The following FGF12 variants were observed in gnomAD, a reference collection of about 807,000 sequenced individuals.
FGF12 encodes fibroblast growth factor 12.
FGF12 carries 14 observed loss-of-function variants against 23.6 expected under a neutral mutation model. The observed-to-expected ratio is 0.59, with a 90% CI of 0.39 to 0.93. The LOEUF (loss-of-function observed/expected upper bound fraction) is 0.93, where lower values mean the gene tolerates loss of function less well. Ranked by LOEUF, FGF12 falls within the 40% of genes least tolerant of loss-of-function variation. The probability of loss-of-function intolerance (pLI) is 0.00; values close to 1 mark genes in which losing one functional copy is unlikely to be tolerated. For synonymous variants in FGF12, 62 were observed against 77.3 expected (o/e 0.80, Z 1.04); for missense variants, 175 against 217.8 (o/e 0.80, Z 1.24).
chr3:192,335,518 T>C (rs1482447657), intron 3 of FGF12, 54 bp from the exon 4 acceptor site: 15 of 1,053,984 alleles, frequency 1.4e-5, no homozygotes, highest in Admixed American at 3.5e-5. Context: ...GAATAAATAA[T>C]CCTTCTTATA....
Position 192,183,389 on chromosome 3 carries a change from A to T in FGF12, c.229-12733T>A, listed in dbSNP as rs1034667720. On this transcript the variant is annotated intron_variant, in intron 4 of 5. Transcript: ENST00000445105. ...AACAGCCTAAAGAGTAATCTGCTAG[A>T]TAAACAGTTCTGATGGCACTGAAAA... is the stretch of plus-strand genomic sequence containing the variant. Among the ~76,000 whole-genome samples the T allele has an allele frequency of 7.9e-5, 12 of 152,308 alleles. No homozygotes were observed. The South Asian group carries it at 1.2e-3, about 16-fold the overall frequency.
intron 4 of FGF12, among the ~76,000 whole-genome samples, chr3:192,191,486 T>C (rs987068583): frequency 6.6e-6 from 1 of 152,130 alleles, no homozygotes; most frequent in Admixed American, 6.6e-5. Flanking sequence ...AGGGAGTATA[T>C]GGGATATCTT....
At chr3:192,194,709 C>A (rs1716973074) in intron 4 of FGF12, among the ~76,000 whole-genome samples, 1 of 152,080 alleles carries the variant, frequency 6.6e-6, no homozygotes, top group African/African-American at 2.4e-5. Context: ...AGTTTAAAAA[C>A]CAATACTATC....
chr3:192,253,897 ATTAACT>A (rs1712201379), intron 4 of FGF12, among the ~76,000 whole-genome samples: 1 of 152,102 alleles, frequency 6.6e-6, no homozygotes, highest in Non-Finnish European at 1.5e-5. Flanking sequence ...TTAAAAATTA[ATTAACT>A]TTAACTTGAC....
At chr3:192,605,670 T>A (rs1165062238) in intron 2 of FGF12, among the ~76,000 whole-genome samples, 1 of 152,054 alleles carries the variant, frequency 6.6e-6, no homozygotes, top group Non-Finnish European at 1.5e-5. Context: ...TAATCTCATT[T>A]TAAAAAGGCC....
intron 2 of FGF12, among the ~76,000 whole-genome samples, chr3:192,398,168 A>G (rs927511104): frequency 2.0e-5 from 3 of 152,208 alleles, no homozygotes; most frequent in African/African-American, 7.2e-5. Context: ...CTGACATTTT[A>G]GACAGATTTC....
intron 2 of FGF12, among the ~76,000 whole-genome samples, chr3:192,713,302 A>G (rs1386267821): frequency 6.6e-6 from 1 of 152,220 alleles, no homozygotes; most frequent in African/African-American, 2.4e-5. Context: ...CTGAGAAATT[A>G]AGAGGTAGTA....
chr3:192,636,754 A>C (rs1361758468), intron 2 of FGF12, among the ~76,000 whole-genome samples: 1 of 152,216 alleles, frequency 6.6e-6, no homozygotes, highest in African/African-American at 2.4e-5. Flanking sequence ...CTGATGACTC[A>C]GGCACTCAGG....
intron 2 of FGF12, among the ~76,000 whole-genome samples, chr3:192,376,483 C>T (rs1252987526): frequency 6.6e-6 from 1 of 152,054 alleles, no homozygotes; most frequent in Non-Finnish European, 1.5e-5. Flanking sequence ...CTGCCTCAGC[C>T]TCCCGAGTAG....
intron 2 of FGF12, among the ~76,000 whole-genome samples, chr3:192,385,878 C>T (rs1246548906): frequency 6.6e-6 from 1 of 152,150 alleles, no homozygotes; most frequent in African/African-American, 2.4e-5. Flanking sequence ...AAACATGCCC[C>T]CTTATTCCCG....
intron 2 of FGF12, among the ~76,000 whole-genome samples, chr3:192,601,101 G>A (rs962318681): frequency 2.6e-5 from 4 of 151,990 alleles, no homozygotes; most frequent in African/African-American, 9.7e-5. Flanking sequence ...AATACACAAC[G>A]AAATACCATT....
chr3:192,699,993 C>T (rs535985066), intron 2 of FGF12, among the ~76,000 whole-genome samples: 15 of 152,254 alleles, frequency 9.9e-5, no homozygotes, highest in African/African-American at 3.6e-4. Flanking sequence ...TGAGATGCTC[C>T]CATCACCTCT....
At chr3:192,295,461 C>T (rs757370934) in intron 4 of FGF12, among the ~76,000 whole-genome samples, 15 of 152,032 alleles carry the variant, frequency 9.9e-5, no homozygotes, top group Non-Finnish European at 1.8e-4. Context: ...GATAACTGTT[C>T]GACATATATA....
At chr3:192,591,303 T>G (rs938146003) in intron 2 of FGF12, among the ~76,000 whole-genome samples, 8 of 151,398 alleles carry the variant, frequency 5.3e-5, no homozygotes, top group Non-Finnish European at 7.4e-5. Flanking sequence ...TTACATACAT[T>G]TTTTAAAAAT....
chr3:192,308,825 T>C (rs1715790734), intron 4 of FGF12, among the ~76,000 whole-genome samples: 1 of 152,184 alleles, frequency 6.6e-6, no homozygotes, highest in African/African-American at 2.4e-5. Context: ...TAAGTTATTT[T>C]AAGGAATTAA....
chr3:192,185,968 T>C (rs991078840), intron 4 of FGF12, among the ~76,000 whole-genome samples: 1 of 151,992 alleles, frequency 6.6e-6, no homozygotes, highest in Admixed American at 6.6e-5. Context: ...AGAAAAAACA[T>C]TAAAAAAATA....
Position 192,718,161 on chromosome 3 carries a change from C to CTTTTTTTTTTTT in FGF12, c.13+9008_13+9019dup, listed in dbSNP as rs71177369. 1.1e-3 allele frequency among the ~76,000 whole-genome samples: 87 copies of CTTTTTTTTTTTT among 77,960 alleles called. 2 individuals are homozygous for CTTTTTTTTTTTT. The highest frequency in any genetic ancestry group is 3.8e-3 in the African/African-American group (77 of 20,486). 51.1% of individuals were successfully genotyped at this position (77,960 alleles called of 152,430 possible). A position where few individuals can be genotyped will look rare whatever the true frequency, so the allele number is the denominator to read the frequency against. Reference sequence around the variant, plus strand: ...GTTTGTCATTATTCTGTTAGTCTTTCTTTTTTTTTTTTTTTTTTTTTTTTA... The same window carrying CTTTTTTTTTTTT: ...GTTTGTCATTATTCTGTTAGTCTTTCTTTTTTTTTTTTTTTTTTTTTTTTTTTTTTTTTTTTA... On this transcript the variant is annotated intron_variant, in intron 2 of 5. Transcript: ENST00000445105.
At chr3:192,650,767 T>A (rs564029844) in intron 2 of FGF12, among the ~76,000 whole-genome samples, 22 of 152,308 alleles carry the variant, frequency 1.4e-4, no homozygotes, top group African/African-American at 4.8e-4. Flanking sequence ...TAATATTTTT[T>A]AAAATATATA....
At chr3:192,356,309 A>G (rs1234093573) in intron 3 of FGF12, among the ~76,000 whole-genome samples, 1 of 152,168 alleles carries the variant, frequency 6.6e-6, no homozygotes, top group East Asian at 1.9e-4. Flanking sequence ...CCCATTCCAT[A>G]TCAAATGCTC....
Sources: gnomAD v4.1 joint callset for allele counts (sites outside exome capture counted in the v4.1 genomes callset) on GRCh38, gnomAD v4.1.1 for gene constraint, MANE v1.5 for transcripts, NCBI Gene and HGNC (gene_info 2026-07-23, HGNC 2026-07-21) for gene names.